ELMOD2: variants seen among roughly 807,000 people sequenced by gnomAD.
ELMOD2 encodes the protein ELMO domain containing 2.
In ELMOD2, 28 loss-of-function variants were observed where a neutral mutation model predicts 41.0. The observed-to-expected ratio is 0.68, with a 90% CI of 0.51 to 0.94. The LOEUF (loss-of-function observed/expected upper bound fraction) is 0.94. Ranked by LOEUF, ELMOD2 falls within the 40% of genes least tolerant of loss-of-function variation. The pLI is 0.00. For synonymous variants in ELMOD2, 106 were observed against 107.2 expected (o/e 0.99, Z 0.07); for missense variants, 333 against 343.1 (o/e 0.97, Z 0.23).
At chr4:140,538,324 C>A (rs571608690) in intron 5 of ELMOD2, among the ~76,000 whole-genome samples, 1 of 152,182 alleles carries the variant, frequency 6.6e-6, no homozygotes, top group Non-Finnish European at 1.5e-5. Context: ...AAGAAAATAG[C>A]GCATTGCAGT....
rs527251711 is a variant in ELMOD2, at chr4:140,552,915, A to T, written c.*2540A>T. ...AGAAATTGGGGGTATCAGTGAACCT[A>T]TACCAACCTCTCTTTGTACATAAAT... On this transcript the variant is annotated 3_prime_UTR_variant, in exon 9 of 9. Coordinates refer to ENST00000323570, the MANE Select transcript of ELMOD2 (RefSeq NM_153702.4). 26 of 152,244 alleles carry T rather than the reference A, an allele frequency of 1.7e-4. No homozygotes were observed. In the South Asian group the frequency reaches 5.4e-3, roughly 32 times the overall value. The allele number at this position is 152,244 out of a possible 1,614,324, so 9.4% of individuals were successfully genotyped here.
chr4:140,530,958 A>G (rs894801557), intron 3 of ELMOD2, among the ~76,000 whole-genome samples: 1 of 152,168 alleles, frequency 6.6e-6, no homozygotes, highest in East Asian at 1.9e-4. Flanking sequence ...TCTAAAAGCT[A>G]TTCATACCCA....
intron 6 of ELMOD2, among the ~76,000 whole-genome samples, chr4:140,542,255 A>C (rs1449969651): frequency 6.6e-6 from 1 of 151,748 alleles, no homozygotes; most frequent in Admixed American, 6.6e-5. Flanking sequence ...TGACTCTTTC[A>C]TAGAAATAGA....
rs567221180 is a variant in ELMOD2, at chr4:140,537,419, A to G, written c.277A>G (p.Ile93Val). 7.9e-6 allele frequency: 12 copies of G among 1,516,244 alleles called. No homozygotes were observed. The African/African-American group carries it at 1.6e-4, about 20-fold the overall frequency. The allele number at this position is 1,516,244 out of a possible 1,614,324, so 93.9% of individuals were successfully genotyped here. A position where few individuals can be genotyped will look rare whatever the true frequency, so the allele number is the denominator to read the frequency against. ...INPEKDASFK[I>V]CMKMCLLQIT... The stretch of plus-strand genomic sequence containing the variant: ...TAATTTTATCATTTTTAGTTTTAAA[A>G]TATGCATGAAGATGTGCTTACTGCA... Residue 93 changes from isoleucine to valine, a missense_variant, in exon 5 of 9, where the codon ATA becomes GTA. Physicochemically the swap from Ile to Val is conservative, Grantham distance 29 (BLOSUM62 3). Transcript: ENST00000323570.
At chr4:140,548,083 C>A (rs954480849) in intron 8 of ELMOD2, among the ~76,000 whole-genome samples, 1 of 152,160 alleles carries the variant, frequency 6.6e-6, no homozygotes, top group Admixed American at 6.6e-5. Context: ...TAGCCTCACT[C>A]TGAAGCAAGA....
chr4:140,545,322 A>G (rs1361044720), intron 8 of ELMOD2, among the ~76,000 whole-genome samples: 3 of 152,054 alleles, frequency 2.0e-5, no homozygotes, highest in Non-Finnish European at 4.4e-5. Context: ...GCCTTACTAG[A>G]TATAGGGAGC....
At chr4:140,529,847 A>G (rs1044052649) in intron 3 of ELMOD2, among the ~76,000 whole-genome samples, 12 of 152,052 alleles carry the variant, frequency 7.9e-5, no homozygotes, top group Admixed American at 5.9e-4. Flanking sequence ...CCTTTCCTTA[A>G]TTGTTTCACC....
At chr4:140,537,361 T>G (rs1172664707) in intron 4 of ELMOD2, 51 bp from the exon 5 acceptor site, 1 of 1,412,906 alleles carries the variant, frequency 7.1e-7, no homozygotes, top group Non-Finnish European at 9.3e-7. Flanking sequence ...TATGAAAGAC[T>G]TTATTGTGAT....
chr4:140,529,396 G>A lies in ELMOD2; in HGVS notation c.171+1902G>A, dbSNP rs533888368. On this transcript the variant is annotated intron_variant, in intron 3 of 8. Coordinates refer to ENST00000323570, the MANE Select transcript of ELMOD2 (RefSeq NM_153702.4). ...GTGAAATCTGTTTTCTTTAAGCCTC[G>A]ACATTGTAAAGAGAGTAAAACCATA... Among the ~76,000 whole-genome samples, 4 of 152,220 alleles carry A rather than the reference G, an allele frequency of 2.6e-5. No individual in the cohort carries two copies. In the South Asian group the frequency reaches 6.2e-4, roughly 24 times the overall value.
chr4:140,540,018 A>G (rs1397618114), intron 5 of ELMOD2, 150 bp from the exon 6 acceptor site: 3 of 821,990 alleles, frequency 3.6e-6, no homozygotes, highest in Admixed American at 2.9e-5. Flanking sequence ...ATGGGAATAA[A>G]TGTGCTGCGT....
chr4:140,542,614 C>G lies in ELMOD2; in HGVS notation c.574C>G (p.Leu192Val), dbSNP rs1421541465. The G allele has an allele frequency of 3.7e-6, 6 of 1,605,958 alleles. No individual in the cohort carries two copies. In the Admixed American group the frequency reaches 6.7e-5, roughly 18 times the overall value. ...ENYTSEAHQI[L>V]SRSNHPKLGY... ...TTACACTAGTGAAGCTCATCAGATT[C>G]TTTCCCGTTCAAATCATCCAAAATT... The change falls in exon 7 of 9, where the codon CTT becomes GTT. Residue 192 changes from leucine to valine, a missense_variant. By Grantham distance (32) the Leu-to-Val change is conservative. Transcript: ENST00000323570.
At chr4:140,546,761 G>A (rs1044384975) in intron 8 of ELMOD2, among the ~76,000 whole-genome samples, 1 of 152,042 alleles carries the variant, frequency 6.6e-6, no homozygotes, top group African/African-American at 2.4e-5. Flanking sequence ...GAGGATCTGT[G>A]GGAACTGTTG....
chr4:140,532,444 G>A (rs537686076), intron 3 of ELMOD2, among the ~76,000 whole-genome samples: 2 of 152,192 alleles, frequency 1.3e-5, no homozygotes, highest in East Asian at 3.9e-4. Context: ...TGGGATTACA[G>A]GCATGAGCCA....
chr4:140,525,211 A>T (rs1041461701), intron 1 of ELMOD2: 8 of 438,604 alleles, frequency 1.8e-5, no homozygotes, highest in Admixed American at 4.2e-5. Context: ...TTTAGTTTTG[A>T]AAAAGTGATT....
chr4:140,548,967 T>TG (rs913028827), intron 8 of ELMOD2, among the ~76,000 whole-genome samples: 33 of 152,276 alleles, frequency 2.2e-4, no homozygotes, highest in Non-Finnish European at 3.5e-4. Context: ...TATACACCTG[T>TG]GAAACCATCT....
At chr4:140,525,262 C>A in intron 1 of ELMOD2, 158 bp from the exon 2 acceptor site, 1 of 716,718 alleles carries the variant, frequency 1.4e-6, no homozygotes, top group Non-Finnish European at 2.2e-6. Context: ...GTATATATTA[C>A]ACCTGCCATT....
chr4:140,550,290 A>T lies in ELMOD2; in HGVS notation c.797A>T (p.Tyr266Phe). 3 of 1,611,750 alleles carry T rather than the reference A, an allele frequency of 1.9e-6. No individual in the cohort carries two copies. The highest frequency in any genetic ancestry group is 2.5e-6 in the Non-Finnish European group (3 of 1,178,734). ...GAAGAAGAACCAGAAAGCATTATGTATTTCAATTTGTATAGAGAGAAGTTT... is the reference window on the plus strand; with the variant it reads ...GAAGAAGAACCAGAAAGCATTATGTTTTTCAATTTGTATAGAGAGAAGTTT... Reference protein sequence around the residue: ...WFEEEPESIMYFNLYREKFHE... With the variant: ...WFEEEPESIMFFNLYREKFHE... The change falls in exon 9 of 9, where the codon TAT (tyrosine) becomes TTT (phenylalanine). Residue 266 changes from tyrosine to phenylalanine, a missense_variant. By Grantham distance (22) the Tyr-to-Phe change is conservative. Transcript: ENST00000323570.
chr4:140,544,815 C>T (rs970212060), intron 8 of ELMOD2, among the ~76,000 whole-genome samples: 12 of 152,122 alleles, frequency 7.9e-5, no homozygotes, highest in African/African-American at 2.2e-4. Context: ...TGCCTTCTCG[C>T]CTTCCAAATC....
At chr4:140,540,909 CTCTGAT>C (rs1365602451) in intron 6 of ELMOD2, among the ~76,000 whole-genome samples, 1 of 152,068 alleles carries the variant, frequency 6.6e-6, no homozygotes, top group African/African-American at 2.4e-5. Flanking sequence ...TCTCTCGGCT[CTCTGAT>C]TCTATTTTGG....
Sources: allele counts gnomAD v4.1 joint callset (sites outside exome capture counted in the v4.1 genomes callset), GRCh38; gene constraint gnomAD v4.1.1; transcripts MANE v1.5; gene names NCBI Gene and HGNC (gene_info 2026-07-23, HGNC 2026-07-21).